SEZ6L: variants seen among roughly 807,000 people sequenced by gnomAD.
The protein encoded by SEZ6L is seizure related 6 homolog like, also known as seizure 6-like protein.
Under a neutral mutation model 106.2 loss-of-function variants are expected in SEZ6L, and 37 were observed. The ratio of observed to expected loss-of-function variants is 0.35; its 90% CI spans 0.27 to 0.46. The LOEUF (loss-of-function observed/expected upper bound fraction) is 0.46, where lower values mean the gene tolerates loss of function less well. Ranked by LOEUF, SEZ6L falls within the 20% of genes least tolerant of loss-of-function variation. The probability of loss-of-function intolerance (pLI) is 1.00; values close to 1 mark genes in which losing one functional copy is unlikely to be tolerated. For synonymous variants in SEZ6L, 541 were observed against 570.4 expected, an observed-to-expected ratio of 0.95 and a Z score of 0.73; for missense variants, 1,172 against 1,332.8, an observed-to-expected ratio of 0.88 and a Z score of 1.88.
At chr22:26,256,027 G>C (rs928440978) in intron 1 of SEZ6L, among the ~76,000 whole-genome samples, 5 of 152,172 alleles carry the variant, frequency 3.3e-5, no homozygotes, top group African/African-American at 4.8e-5. Flanking sequence ...GGAAGGAAGG[G>C]AAGGAAGAGG....
At chr22:26,234,644 G>A (rs1032981009) in intron 1 of SEZ6L, among the ~76,000 whole-genome samples, 2 of 152,332 alleles carry the variant, frequency 1.3e-5, no homozygotes, top group South Asian at 2.1e-4. Flanking sequence ...CAGAAGGTGG[G>A]GAAACCCAAC....
Position 26,381,863 on chromosome 22 carries a change from CA to C in SEZ6L, c.*1569del. 5.4e-6 allele frequency: 2 copies of C among 373,046 alleles called. No individual in the cohort carries two copies. The highest frequency in any genetic ancestry group is 2.1e-5 in the South Asian group (1 of 46,630). The allele number at this position is 373,046 out of a possible 1,614,324, so 23.1% of individuals were successfully genotyped here. On this transcript the variant is annotated 3_prime_UTR_variant, in exon 17 of 17. Transcript: ENST00000248933. ...TTTGGAACCCTCTTTGGTGCCCTCC[CA>C]TTCTCTCTGGAATTGTTTCAAGTCT...
intron 5 of SEZ6L, 53 bp from the exon 6 acceptor site, chr22:26,305,926 T>A: frequency 6.8e-7 from 1 of 1,462,000 alleles, no homozygotes; most frequent in Non-Finnish European, 9.5e-7. Flanking sequence ...CTCTCTCCTC[T>A]CTCTCTCCCT....
chr22:26,328,061 G>C (rs1327117964), intron 9 of SEZ6L, among the ~76,000 whole-genome samples: 1 of 152,174 alleles, frequency 6.6e-6, no homozygotes, highest in Non-Finnish European at 1.5e-5. Context: ...AAGTGTGTGG[G>C]TCCAACCTTC....
intron 1 of SEZ6L, among the ~76,000 whole-genome samples, chr22:26,179,973 C>T (rs896703012): frequency 7.9e-5 from 12 of 152,164 alleles, no homozygotes; most frequent in African/African-American, 9.7e-5. Flanking sequence ...GTCCTACTAG[C>T]GACGTTTCAA....
At chr22:26,249,414 T>C (rs5761443) in intron 1 of SEZ6L, among the ~76,000 whole-genome samples, 19,414 of 152,122 alleles carry the variant, frequency 0.13, 1,657 homozygotes, top group East Asian at 0.35. Context: ...TGAGAACGTG[T>C]GGTATTTATC....
At chr22:26,231,829 T>C (rs77876860) in intron 1 of SEZ6L, among the ~76,000 whole-genome samples, 1 of 152,334 alleles carries the variant, frequency 6.6e-6, no homozygotes, top group Non-Finnish European at 1.5e-5. Flanking sequence ...CTGGTCAAAA[T>C]CAATTCCAAC....
intron 15 of SEZ6L, among the ~76,000 whole-genome samples, chr22:26,376,355 G>A (rs2084224122): frequency 6.6e-6 from 1 of 152,172 alleles, no homozygotes; most frequent in Non-Finnish European, 1.5e-5. Context: ...CAAGAATTCT[G>A]GAAGAGAAGT....
intron 1 of SEZ6L, among the ~76,000 whole-genome samples, chr22:26,280,105 T>C (rs559008265): frequency 1.3e-5 from 2 of 152,210 alleles, no homozygotes; most frequent in Non-Finnish European, 2.9e-5. Context: ...GGTTCAAATG[T>C]TACACATGTG....
At chr22:26,228,461 T>C (rs575712502) in intron 1 of SEZ6L, among the ~76,000 whole-genome samples, 1 of 152,170 alleles carries the variant, frequency 6.6e-6, no homozygotes, top group East Asian at 1.9e-4. Flanking sequence ...ACTCCACACG[T>C]TTTTACTGGA....
rs184071031 is a variant in SEZ6L at position 26,375,714 on chromosome 22, C to T, written c.2942+25C>T. 1.9e-4 allele frequency: 298 copies of T among 1,564,744 alleles called. 1 individual carries two copies. In the African/African-American group the frequency reaches 3.6e-3, roughly 19 times the overall value. ...GGTAGGGAGCTGATGGGGGAGATGA[C>T]TGCCAAGCACCCAGCCACCAGTACT... On this transcript the variant is annotated intron_variant, in intron 15 of 16. Transcript: ENST00000248933.
intron 1 of SEZ6L, among the ~76,000 whole-genome samples, chr22:26,279,622 G>C (rs2080692030): frequency 6.6e-6 from 1 of 152,210 alleles, no homozygotes. Flanking sequence ...GGCCGTAGCA[G>C]TTTCCATCAG....
chr22:26,254,002 T>C (rs1188968850), intron 1 of SEZ6L: 1 of 152,240 alleles, frequency 6.6e-6, no homozygotes, highest in East Asian at 1.9e-4. Context: ...GGAAAACTCA[T>C]GGGAAATGTT....
At chr22:26,269,131 G>A (rs1401692016) in intron 1 of SEZ6L, among the ~76,000 whole-genome samples, 17 of 152,172 alleles carry the variant, frequency 1.1e-4, no homozygotes, top group Admixed American at 1.1e-3. Flanking sequence ...CATGGTTGGG[G>A]GATATTATGG....
intron 1 of SEZ6L, among the ~76,000 whole-genome samples, chr22:26,262,363 T>A (rs953760729): frequency 1.3e-5 from 2 of 151,666 alleles, no homozygotes; most frequent in African/African-American, 4.9e-5. Flanking sequence ...CTGCAGCACA[T>A]CTCCTCATGT....
At chr22:26,367,310 C>T (rs1037170278) in intron 13 of SEZ6L, among the ~76,000 whole-genome samples, 1 of 151,944 alleles carries the variant, frequency 6.6e-6, no homozygotes, top group Non-Finnish European at 1.5e-5. Context: ...CCCTGTGATC[C>T]AGCCTGGTTT....
At chr22:26,345,609 T>C (rs1338594895) in intron 10 of SEZ6L, among the ~76,000 whole-genome samples, 2 of 152,066 alleles carry the variant, frequency 1.3e-5, no homozygotes, top group Non-Finnish European at 2.9e-5. Context: ...CTCGAAGCTA[T>C]TTTTTTACCC....
intron 9 of SEZ6L, among the ~76,000 whole-genome samples, chr22:26,334,687 G>C (rs990022547): frequency 6.6e-6 from 1 of 152,228 alleles, no homozygotes; most frequent in Admixed American, 6.5e-5. Flanking sequence ...GCCTGCGACA[G>C]TGACCAAGAA....
chr22:26,321,345 G>A (rs1024892951), intron 9 of SEZ6L, among the ~76,000 whole-genome samples: 3 of 152,210 alleles, frequency 2.0e-5, no homozygotes, highest in Non-Finnish European at 2.9e-5. Flanking sequence ...TCAAGGGTGC[G>A]TCCATGAAGT....
Sources: gnomAD v4.1 joint callset for allele counts (sites outside exome capture counted in the v4.1 genomes callset) on GRCh38, gnomAD v4.1.1 for gene constraint, MANE v1.5 for transcripts, NCBI Gene and HGNC (gene_info 2026-07-23, HGNC 2026-07-21) for gene names.